OR51B5: variants seen among roughly 807,000 people sequenced by gnomAD.
OR51B5 encodes olfactory receptor family 51 subfamily B member 5.
For missense variants in OR51B5, 456 were observed against 374.6 expected (o/e 1.22, Z -1.79); for synonymous variants, 186 against 144.8 (o/e 1.28, Z -2.04).
At chr11:5,357,291 A>C (rs374007129) in intron 1 of OR51B5, among the ~76,000 whole-genome samples, 1,854 of 152,066 alleles carry the variant, frequency 0.012, 19 homozygotes, top group Non-Finnish European at 0.017. Context: ...ATCTACCAAG[A>C]AAATGGAAAA....
chr11:5,470,121 C>T (rs1429115413), intron 1 of OR51B5, among the ~76,000 whole-genome samples: 2 of 152,160 alleles, frequency 1.3e-5, no homozygotes, highest in Non-Finnish European at 2.9e-5. Context: ...TTTTAAGAAG[C>T]ATTAAAATAT....
chr11:5,494,243 C>CAG (rs1482713241), intron 1 of OR51B5, among the ~76,000 whole-genome samples: 1 of 152,196 alleles, frequency 6.6e-6, no homozygotes, highest in Non-Finnish European at 1.5e-5. Context: ...AACAATTATT[C>CAG]AGAACCACGT....
At chr11:5,441,357 CA>C in intron 1 of OR51B5, 2 of 1,613,894 alleles carry the variant, frequency 1.2e-6, no homozygotes, top group Middle Eastern at 1.7e-4. Context: ...AGCAGGCTCC[CA>C]AAACACCAGA....
chr11:5,358,156 G>A (rs1250518215), intron 1 of OR51B5, among the ~76,000 whole-genome samples: 2 of 152,098 alleles, frequency 1.3e-5, no homozygotes, highest in East Asian at 3.9e-4. Context: ...CAGAACTGAA[G>A]GAAATAGAGA....
chr11:5,383,704 A>G (rs1459092707), intron 1 of OR51B5: 2 of 152,170 alleles, frequency 1.3e-5, no homozygotes, highest in East Asian at 3.8e-4. Flanking sequence ...GTGGAGATAA[A>G]GAAAGTTTCC....
At chr11:5,344,784 C>G (rs1409694327), upstream of OR51B5, among the ~76,000 whole-genome samples, 3 of 152,000 alleles carry the variant, frequency 2.0e-5, no homozygotes, top group Admixed American at 6.6e-5. Context: ...ATCTTATAAA[C>G]CATAAATTAA....
rs1370292683 is a variant in OR51B5, at chr11:5,363,356, TTTG to T, written n.85-16449_85-16447del. On this transcript the variant is annotated intron_variant and non_coding_transcript_variant, in intron 1 of 4. Coordinates refer to the OR51B5 transcript ENST00000415970. ...ATTGGAATTACAGTTTTTTTTGGTT[TTTG>T]TTTTTTTTTACTTCAAGCTATGGTG... Among the ~76,000 whole-genome samples the T allele has an allele frequency of 1.7e-3, 139 of 81,902 alleles. 3 individuals carry two copies. Among genetic ancestry groups the T allele is most frequent in the African/African-American group, 5.9e-3 (121 of 20,368 alleles). The allele number at this position is 81,902 out of a possible 152,430, so 53.7% of individuals were successfully genotyped here.
At chr11:5,476,385 T>C (rs1445350021) in intron 1 of OR51B5, among the ~76,000 whole-genome samples, 1 of 152,178 alleles carries the variant, frequency 6.6e-6, no homozygotes, top group Non-Finnish European at 1.5e-5. Flanking sequence ...TAGGTACTCT[T>C]AGCTGTTATG....
downstream of OR51B5, among the ~76,000 whole-genome samples, chr11:5,342,354 G>A (rs1848908798): frequency 6.6e-6 from 1 of 152,180 alleles, no homozygotes; most frequent in South Asian, 2.1e-4. Context: ...CAATAATTTA[G>A]TGGAAAGCTT....
chr11:5,401,856 CT>C (rs375066800), intron 1 of OR51B5, among the ~76,000 whole-genome samples: 1 of 12,918 alleles, frequency 7.7e-5, no homozygotes, highest in African/African-American at 1.1e-4. Flanking sequence ...TTTTCTTCTG[CT>C]TTTTCTTTTT....
intron 1 of OR51B5, chr11:5,351,714 C>T (rs763034582): frequency 6.8e-6 from 11 of 1,613,980 alleles, no homozygotes; most frequent in East Asian, 2.2e-5. Flanking sequence ...CTACAGACCT[C>T]GGAGTGACAT....
chr11:5,466,427 C>T (rs971572452), intron 1 of OR51B5, among the ~76,000 whole-genome samples: 6 of 152,148 alleles, frequency 3.9e-5, no homozygotes, highest in South Asian at 2.1e-4. Flanking sequence ...AATGAAAGGA[C>T]GCATTTTTTA....
chr11:5,499,745 G>A (rs421126), intron 1 of OR51B5, among the ~76,000 whole-genome samples: 150,374 of 152,276 alleles, frequency 0.99, 74,280 homozygotes, highest in East Asian at 1. Flanking sequence ...TATCAGTACT[G>A]TTATGACACA....
intron 1 of OR51B5, among the ~76,000 whole-genome samples, chr11:5,378,589 T>A (rs983462376): frequency 6.6e-6 from 1 of 152,116 alleles, no homozygotes; most frequent in African/African-American, 2.4e-5. Flanking sequence ...ATCCAGAATC[T>A]ATAATGAACT....
rs1378089323 is a variant in OR51B5 at position 5,489,112 on chromosome 11, ACAACCATTCT to A, written n.84+16447_84+16456del. ...GGCTATCTGTAACCCATTAAGGTAC[ACAACCATTCT>A]CAACCATGCTGTCATAGGCAGAATT... On this transcript the variant is annotated intron_variant and non_coding_transcript_variant, in intron 1 of 4. Coordinates refer to the OR51B5 transcript ENST00000415970. 4 of 1,613,828 alleles carry A rather than the reference ACAACCATTCT, an allele frequency of 2.5e-6. No individual in the cohort carries two copies. The East Asian group carries it at 6.7e-5, about 27-fold the overall frequency.
intron 1 of OR51B5, among the ~76,000 whole-genome samples, chr11:5,470,226 G>A (rs887715724): frequency 3.3e-5 from 5 of 152,260 alleles, no homozygotes; most frequent in East Asian, 1.9e-4. Context: ...GGCAATTCCC[G>A]TGTGCAGCCA....
intron 1 of OR51B5, among the ~76,000 whole-genome samples, chr11:5,374,011 A>G (rs1214222418): frequency 6.6e-6 from 1 of 152,184 alleles, no homozygotes; most frequent in Non-Finnish European, 1.5e-5. Context: ...AGATCTGAGA[A>G]CGGGCAGACT....
chr11:5,418,711 C>T (rs1850279287), intron 1 of OR51B5, among the ~76,000 whole-genome samples: 1 of 151,270 alleles, frequency 6.6e-6, no homozygotes, highest in Non-Finnish European at 1.5e-5. Context: ...GGGAGCATCA[C>T]ACACCCGAGC....
intron 1 of OR51B5, among the ~76,000 whole-genome samples, chr11:5,414,995 C>A (rs7119595): frequency 0.82 from 124,584 of 151,716 alleles, 51,980 homozygotes; most frequent in Non-Finnish European, 0.89. Flanking sequence ...CCACACCACA[C>A]CTATTCCAAA....
Sources: gnomAD v4.1 joint callset for allele counts (sites outside exome capture counted in the v4.1 genomes callset) on GRCh38, gnomAD v4.1.1 for gene constraint, MANE v1.5 for transcripts, NCBI Gene and HGNC (gene_info 2026-07-23, HGNC 2026-07-21) for gene names.